The following SPMIP2 variants were observed in gnomAD, a reference collection of about 807,000 sequenced individuals.
The protein encoded by SPMIP2 is protein SPMIP2.
At chr4:159,024,708 A>G in the SPMIP2 span, among the ~76,000 whole-genome samples, 3 of 152,270 alleles carry the variant, frequency 2.0e-5, no homozygotes, top group African/African-American at 7.2e-5. Context: ...GCAGAATTCC[A>G]AACTTGGCCA....
chr4:158,914,601 T>A, the SPMIP2 span, among the ~76,000 whole-genome samples: 1 of 152,348 alleles, frequency 6.6e-6, no homozygotes, highest in South Asian at 2.1e-4. Flanking sequence ...ATTATTGGCG[T>A]ATGGTTTGTA....
chr4:158,966,078 G>A, the SPMIP2 span, among the ~76,000 whole-genome samples: 1 of 152,152 alleles, frequency 6.6e-6, no homozygotes, highest in African/African-American at 2.4e-5. Flanking sequence ...GGTCATAGTG[G>A]ATTCCTATAG....
chr4:158,976,818 C>T, the SPMIP2 span, among the ~76,000 whole-genome samples: 4 of 151,920 alleles, frequency 2.6e-5, no homozygotes, highest in East Asian at 1.9e-4. Context: ...CACACCACCA[C>T]GCCCAGCTAA....
the SPMIP2 span, among the ~76,000 whole-genome samples, chr4:159,074,562 C>G: frequency 1.3e-5 from 2 of 152,074 alleles, no homozygotes; most frequent in African/African-American, 4.8e-5. Flanking sequence ...ATTAGTCTGG[C>G]TTAGAGTGCA....
At chr4:159,082,360 T>C in the SPMIP2 span, among the ~76,000 whole-genome samples, 1 of 148,036 alleles carries the variant, frequency 6.8e-6, no homozygotes, top group African/African-American at 2.5e-5. Flanking sequence ...AATAAATAAA[T>C]GTTGTGCTTC....
At chr4:159,069,545 C>T in the SPMIP2 span, among the ~76,000 whole-genome samples, 1 of 151,334 alleles carries the variant, frequency 6.6e-6, no homozygotes, top group South Asian at 2.1e-4. Flanking sequence ...AGAAATCCTC[C>T]TACCTCAGCC....
At chr4:158,914,724 A>C in the SPMIP2 span, among the ~76,000 whole-genome samples, 1 of 152,310 alleles carries the variant, frequency 6.6e-6, no homozygotes, top group African/African-American at 2.4e-5. Flanking sequence ...ACTTATAAAA[A>C]CCCATACAGG....
the SPMIP2 span, among the ~76,000 whole-genome samples, chr4:159,036,090 C>A: frequency 6.6e-6 from 1 of 152,144 alleles, no homozygotes; most frequent in African/African-American, 2.4e-5. Context: ...AGAAATATAT[C>A]GGCTACCTGA....
At chr4:158,969,326 CTG>C in the SPMIP2 span, among the ~76,000 whole-genome samples, 1 of 152,134 alleles carries the variant, frequency 6.6e-6, no homozygotes, top group Admixed American at 6.5e-5. Context: ...ACTAAAGAAA[CTG>C]TTTCAATTGT....
the SPMIP2 span, among the ~76,000 whole-genome samples, chr4:159,055,037 T>C: frequency 6.6e-6 from 1 of 152,248 alleles, no homozygotes; most frequent in East Asian, 1.9e-4. Flanking sequence ...GCCCCCTGCC[T>C]GTCCTAAAGA....
At chr4:159,011,581 G>A in the SPMIP2 span, among the ~76,000 whole-genome samples, 5 of 151,510 alleles carry the variant, frequency 3.3e-5, no homozygotes, top group Non-Finnish European at 4.4e-5. Flanking sequence ...GAGAAACCCT[G>A]TCTCTACTGA....
chr4:158,916,633 ATG>A, the SPMIP2 span, among the ~76,000 whole-genome samples: 1 of 151,428 alleles, frequency 6.6e-6, no homozygotes, highest in Admixed American at 6.6e-5. Flanking sequence ...GTATGTATGT[ATG>A]TATGTATGTA....
the SPMIP2 span, among the ~76,000 whole-genome samples, chr4:158,896,372 A>G: frequency 2.0e-5 from 3 of 152,146 alleles, no homozygotes; most frequent in African/African-American, 7.2e-5. Flanking sequence ...GGAGACTTGT[A>G]TGTTACTAAA....
the SPMIP2 span, among the ~76,000 whole-genome samples, chr4:159,073,558 T>G: frequency 6.6e-6 from 1 of 152,110 alleles, no homozygotes; most frequent in Non-Finnish European, 1.5e-5. Context: ...AAAACCAAAA[T>G]ACCTAACCAT....
At chr4:158,923,993 C>T in the SPMIP2 span, among the ~76,000 whole-genome samples, 3 of 152,060 alleles carry the variant, frequency 2.0e-5, no homozygotes, top group Admixed American at 1.3e-4. Flanking sequence ...AAGGGTGGGG[C>T]CTTTATCCAA....
chr4:159,064,765 A>G, the SPMIP2 span, among the ~76,000 whole-genome samples: 1 of 152,162 alleles, frequency 6.6e-6, no homozygotes, highest in African/African-American at 2.4e-5. Flanking sequence ...ATGTTTTTAA[A>G]TCGTTTTCAT....
At chr4:158,918,458 A>G in the SPMIP2 span, among the ~76,000 whole-genome samples, 2 of 152,238 alleles carry the variant, frequency 1.3e-5, no homozygotes, top group Non-Finnish European at 2.9e-5. Context: ...TATAGTTTAT[A>G]TTAGCTTGAT....
the SPMIP2 span, among the ~76,000 whole-genome samples, chr4:159,058,186 C>CT: frequency 3.1e-3 from 436 of 141,386 alleles, 3 homozygotes; most frequent in Middle Eastern, 0.011. Context: ...ATTTGCTGGG[C>CT]TTTTTTTTTT....
chr4:158,992,394 T>G, the SPMIP2 span, among the ~76,000 whole-genome samples: 3 of 152,212 alleles, frequency 2.0e-5, no homozygotes, highest in Non-Finnish European at 2.9e-5. Context: ...TACAATTACA[T>G]AGCTCAGTGT....
Sources: gnomAD v4.1 joint callset for allele counts (sites outside exome capture counted in the v4.1 genomes callset) on GRCh38, gnomAD v4.1.1 for gene constraint, MANE v1.5 for transcripts, NCBI Gene and HGNC (gene_info 2026-07-23, HGNC 2026-07-21) for gene names.